PBX3: variants seen among roughly 807,000 people sequenced by gnomAD.
PBX3 encodes the protein pre-B-cell leukemia transcription factor 3.
Under a neutral mutation model 48.5 loss-of-function variants are expected in PBX3, and 14 were observed. The ratio of observed to expected loss-of-function variants is 0.29; its 90% CI spans 0.19 to 0.45. The LOEUF is 0.45. Ranked by LOEUF, PBX3 falls within the 20% of genes least tolerant of loss-of-function variation. PBX3 has a pLI of 1.00. For synonymous variants in PBX3, 210 were observed against 200.3 expected (o/e 1.05, Z -0.41); for missense variants, 386 against 546.7 (o/e 0.71, Z 2.93).
intron 2 of PBX3, among the ~76,000 whole-genome samples, chr9:125,854,158 G>T (rs1442073555): frequency 6.6e-6 from 1 of 152,026 alleles, no homozygotes; most frequent in African/African-American, 2.4e-5. Context: ...TTGAGACAGG[G>T]TCTCACGCTG....
intron 5 of PBX3, among the ~76,000 whole-genome samples, chr9:125,956,994 A>G (rs1842324145): frequency 6.6e-6 from 1 of 151,982 alleles, no homozygotes; most frequent in Non-Finnish European, 1.5e-5. Flanking sequence ...TTTTGCAACT[A>G]ATTATATCCA....
intron 6 of PBX3, 87 bp from the exon 7 acceptor site, chr9:125,962,015 A>G (rs763394807): frequency 2.7e-5 from 18 of 675,028 alleles, no homozygotes; most frequent in Non-Finnish European, 4.9e-5. Context: ...TCCCTTCTGT[A>G]CTTTTTCTCA....
chr9:125,886,887 C>G (rs964809314), intron 2 of PBX3, among the ~76,000 whole-genome samples: 2 of 152,128 alleles, frequency 1.3e-5, no homozygotes, highest in Non-Finnish European at 2.9e-5. Context: ...AGACATTACT[C>G]TGTCTTCAGA....
At position 125,960,551 on chromosome 9, in the gene PBX3, C is replaced by T. The variant is rs539713122; in HGVS notation, c.844-133C>T. On this transcript the variant is annotated intron_variant, in intron 5 of 8. Transcript: ENST00000373489. The stretch of plus-strand genomic sequence containing the variant: ...AACCCCCAAAACCATTATGCATGAT[C>T]CATAGGATGTGAGGTTGCAGGCTAG... 15 of 718,556 alleles carry T rather than the reference C, an allele frequency of 2.1e-5. No individual in the cohort carries two copies. In the South Asian group the frequency reaches 2.5e-4, roughly 12 times the overall value. The allele number at this position is 718,556 out of a possible 1,614,324, so 44.5% of individuals were successfully genotyped here. A position where few individuals can be genotyped will look rare whatever the true frequency, so the allele number is the denominator to read the frequency against.
At chr9:125,875,845 T>A (rs1429306627) in intron 2 of PBX3, among the ~76,000 whole-genome samples, 1 of 152,202 alleles carries the variant, frequency 6.6e-6, no homozygotes, top group Non-Finnish European at 1.5e-5. Context: ...ACTAACTATA[T>A]GCCAGATGCT....
intron 2 of PBX3, among the ~76,000 whole-genome samples, chr9:125,861,300 A>AAAT (rs368338583): frequency 0.012 from 1,641 of 140,412 alleles, 22 homozygotes; most frequent in African/African-American, 0.032. Flanking sequence ...CCCTGTCTCC[A>AAAT]AATAATAATA....
chr9:125,776,132 A>C (rs1837064801), intron 2 of PBX3, among the ~76,000 whole-genome samples: 1 of 152,144 alleles, frequency 6.6e-6, no homozygotes, highest in Non-Finnish European at 1.5e-5. Context: ...TACAATGTTG[A>C]GTGGCTGTGG....
At chr9:125,954,573 G>T (rs1842262075) in intron 5 of PBX3, among the ~76,000 whole-genome samples, 1 of 152,142 alleles carries the variant, frequency 6.6e-6, no homozygotes, top group Admixed American at 6.5e-5. Context: ...GTCTCACTCT[G>T]TTGACAGGCT....
chr9:125,836,862 G>A (rs1256692513), intron 2 of PBX3, among the ~76,000 whole-genome samples: 6 of 152,148 alleles, frequency 3.9e-5, no homozygotes, highest in South Asian at 2.1e-4. Flanking sequence ...TGTCAGATTA[G>A]CAAAGATCAA....
At chr9:125,762,816 C>T (rs1236704458) in intron 2 of PBX3, among the ~76,000 whole-genome samples, 2 of 151,910 alleles carry the variant, frequency 1.3e-5, no homozygotes, top group African/African-American at 2.4e-5. Flanking sequence ...CGATCTAAAG[C>T]GGTCAAAAAA....
intron 2 of PBX3, among the ~76,000 whole-genome samples, chr9:125,851,869 G>C (rs1588218878): frequency 8.9e-6 from 1 of 112,020 alleles, no homozygotes; most frequent in Non-Finnish European, 1.8e-5. Flanking sequence ...AATTTTTGCT[G>C]CTTTTTTTTT....
chr9:125,783,298 C>G (rs532270492), intron 2 of PBX3, among the ~76,000 whole-genome samples: 1 of 151,876 alleles, frequency 6.6e-6, no homozygotes, highest in African/African-American at 2.4e-5. Context: ...TATTCTTTTT[C>G]TTTTTTTGAG....
intron 2 of PBX3, among the ~76,000 whole-genome samples, chr9:125,793,353 G>A (rs1169257019): frequency 4.8e-5 from 3 of 62,220 alleles, no homozygotes. Context: ...CTCCATTTGG[G>A]GGGGAAAAAA....
At position 125,966,673 on chromosome 9, in the gene PBX3, C is replaced by T. The variant is rs1842539882; in HGVS notation, c.*750C>T. ...CAGACTTGTCAAGGTTTGCTACGTC[C>T]TCTGGGCATCTGCAAAAGGCCCTGC... On this transcript the variant is annotated 3_prime_UTR_variant, in exon 9 of 9. Transcript: ENST00000373489. The T allele has an allele frequency of 6.6e-6, 1 of 152,646 alleles. No homozygotes were observed. Among genetic ancestry groups the T allele is most frequent in the Non-Finnish European group, 1.5e-5 (1 of 68,084 alleles). The allele number at this position is 152,646 out of a possible 1,614,324, so 9.5% of individuals were successfully genotyped here. A position where few individuals can be genotyped will look rare whatever the true frequency, so the allele number is the denominator to read the frequency against.
At chr9:125,756,956 A>C (rs1836534280) in intron 2 of PBX3, among the ~76,000 whole-genome samples, 1 of 152,210 alleles carries the variant, frequency 6.6e-6, no homozygotes, top group South Asian at 2.1e-4. Flanking sequence ...CATTTAAAAC[A>C]TATGAAGTTA....
At chr9:125,879,958 G>A (rs1441282925) in intron 2 of PBX3, among the ~76,000 whole-genome samples, 2 of 152,032 alleles carry the variant, frequency 1.3e-5, no homozygotes, top group Non-Finnish European at 2.9e-5. Context: ...CAGACTTCAG[G>A]TAATATACAT....
rs151087220 is a variant in PBX3, at chr9:125,942,265, G to A, written c.843+6658G>A. ...AAGTCTTACTTTTTTTCTTGCAAGAGGCAGTGTGATTCATTCATCCCCAGG... is the reference window on the plus strand; with the variant it reads ...AAGTCTTACTTTTTTTCTTGCAAGAAGCAGTGTGATTCATTCATCCCCAGG... On this transcript the variant is annotated intron_variant, in intron 5 of 8. Coordinates refer to ENST00000373489, the MANE Select transcript of PBX3 (RefSeq NM_006195.6). 4.6e-5 allele frequency among the ~76,000 whole-genome samples: 7 copies of A among 152,198 alleles called. No homozygotes were observed. In the East Asian group the frequency reaches 1.4e-3, roughly 29 times the overall value.
At chr9:125,755,336 A>G (rs1344979763) in intron 2 of PBX3, among the ~76,000 whole-genome samples, 1 of 152,174 alleles carries the variant, frequency 6.6e-6, no homozygotes, top group Non-Finnish European at 1.5e-5. Flanking sequence ...TAAGATTCTA[A>G]ACAGGCATTA....
At chr9:125,809,347 A>T (rs1333813788) in intron 2 of PBX3, among the ~76,000 whole-genome samples, 1 of 152,162 alleles carries the variant, frequency 6.6e-6, no homozygotes, top group African/African-American at 2.4e-5. Context: ...CTTGGGAAAA[A>T]ATCTTTTTTC....
Sources: gnomAD v4.1 joint callset for allele counts (sites outside exome capture counted in the v4.1 genomes callset) on GRCh38, gnomAD v4.1.1 for gene constraint, MANE v1.5 for transcripts, NCBI Gene and HGNC (gene_info 2026-07-23, HGNC 2026-07-21) for gene names.